Variants in AKIRIN1 observed in about 807,000 individuals in gnomAD.
AKIRIN1 encodes the protein akirin-1.
AKIRIN1 carries 4 observed loss-of-function variants against 25.9 expected under a neutral mutation model. The observed-to-expected ratio is 0.15, with a 90% CI of 0.08 to 0.35. AKIRIN1 has a LOEUF of 0.35. AKIRIN1 is among the 10% of genes least tolerant of loss of function. AKIRIN1 has a pLI of 1.00. For synonymous variants in AKIRIN1, 125 were observed against 105.1 expected (o/e 1.19, Z -1.16); for missense variants, 243 against 266.1 (o/e 0.91, Z 0.61).
chr1:39,000,383 G>A (rs1265450353), intron 2 of AKIRIN1, among the ~76,000 whole-genome samples: 2 of 93,284 alleles, frequency 2.1e-5, no homozygotes, highest in Non-Finnish European at 4.2e-5. Context: ...TGCTCTTGTT[G>A]CCCCGTTTGG....
At chr1:39,000,251 A>G (rs1263259242) in intron 2 of AKIRIN1, among the ~76,000 whole-genome samples, 2 of 152,044 alleles carry the variant, frequency 1.3e-5, no homozygotes, top group East Asian at 1.9e-4. Flanking sequence ...CTCCAGAACC[A>G]GGCTGGTAGA....
Position 38,997,244 on chromosome 1 carries a change from G to A in AKIRIN1, c.221-927G>A, listed in dbSNP as rs539225914. Among the ~76,000 whole-genome samples, 6 of 152,182 alleles carry A rather than the reference G, an allele frequency of 3.9e-5. No individual in the cohort carries two copies. The East Asian group carries it at 9.7e-4, about 25-fold the overall frequency. On this transcript the variant is annotated intron_variant, in intron 1 of 4. Coordinates refer to ENST00000432648, the MANE Select transcript of AKIRIN1 (RefSeq NM_024595.3). ...AAAACCACATCCTTTTAGATTCTTT[G>A]TTGTTTCTAGGAGTGTATTTCAAGG...
intron 3 of AKIRIN1, among the ~76,000 whole-genome samples, chr1:39,003,022 G>C (rs776294432): frequency 6.6e-5 from 10 of 152,210 alleles, no homozygotes; most frequent in Non-Finnish European, 1.5e-4. Flanking sequence ...CATGTCCCAT[G>C]GGAGATGGGC....
rs1440733131 is a variant in AKIRIN1 at position 39,000,955 on chromosome 1, C to CT, written c.362-12dup. ...AACCACCGCACCTGGCCCAAACTCA[C>CT]TTTTTCTTTTGGCCAGGTTCCTCAT... On this transcript the variant is annotated splice_polypyrimidine_tract_variant and intron_variant, in intron 2 of 4. Coordinates refer to ENST00000432648, the MANE Select transcript of AKIRIN1 (RefSeq NM_024595.3). 1.2e-6 allele frequency: 2 copies of CT among 1,602,880 alleles called. No homozygotes were observed. Among genetic ancestry groups the CT allele is most frequent in the African/African-American group, 2.7e-5 (2 of 74,340 alleles).
At chr1:38,995,180 C>A (rs538618248) in intron 1 of AKIRIN1, among the ~76,000 whole-genome samples, 33 of 152,112 alleles carry the variant, frequency 2.2e-4, no homozygotes, top group Admixed American at 5.9e-4. Context: ...ACAGGGAAAC[C>A]ATGAGAGCAA....
At chr1:39,000,853 TC>T in intron 2 of AKIRIN1, 118 bp from the exon 3 acceptor site, 1 of 1,149,616 alleles carries the variant, frequency 8.7e-7, no homozygotes, top group Non-Finnish European at 1.2e-6. Flanking sequence ...ACTGGGTTTC[TC>T]CACGTTGTCA....
chr1:38,991,663 T>TGG, intron 1 of AKIRIN1, 63 bp downstream of exon 1: 9 of 70,104 alleles, frequency 1.3e-4, no homozygotes, highest in Non-Finnish European at 1.9e-4. Context: ...GGGGGGGTGG[T>TGG]GGGGGAGGGT....
chr1:38,992,479 T>C (rs970165963), intron 1 of AKIRIN1, among the ~76,000 whole-genome samples: 2 of 152,164 alleles, frequency 1.3e-5, no homozygotes, highest in Non-Finnish European at 1.5e-5. Flanking sequence ...TGTTTTTCTA[T>C]TCCTCAAGCT....
chr1:38,997,169 G>A (rs1643954101), intron 1 of AKIRIN1, among the ~76,000 whole-genome samples: 1 of 151,778 alleles, frequency 6.6e-6, no homozygotes, highest in African/African-American at 2.4e-5. Context: ...TGTTTGAGAT[G>A]GATACAGGTA....
At position 39,001,070 on chromosome 1, in the gene AKIRIN1, G is replaced by A. The variant is rs1315318370; in HGVS notation, c.460G>A (p.Glu154Lys). 1 of 1,613,788 alleles carries A rather than the reference G, an allele frequency of 6.2e-7. No homozygotes were observed. The highest frequency in any genetic ancestry group is 8.5e-7 in the Non-Finnish European group (1 of 1,179,890). ...AAAAGACTATGAAGATAAAATTCGGGAGGAGTATGAGCAAATCCTCAATAC... is the reference window on the plus strand; with the variant it reads ...AAAAGACTATGAAGATAAAATTCGGAAGGAGTATGAGCAAATCCTCAATAC... ...LLKDYEDKIREEYEQILNTKL... is the reference protein window; with the variant it reads ...LLKDYEDKIRKEYEQILNTKL... The change falls in exon 3 of 5, where the codon GAG becomes AAG. Residue 154 changes from glutamate to lysine, a missense_variant. Glu to Lys is a moderately conservative substitution (Grantham distance 56, BLOSUM62 1). This residue lies in a region of AKIRIN1 where 190 missense variants were observed against 174.4 expected (regional missense o/e 1.09). Transcript: ENST00000432648.
Position 39,004,590 on chromosome 1 carries a change from T to G in AKIRIN1, c.*535T>G, listed in dbSNP as rs1185208705. 4.5e-5 allele frequency: 9 copies of G among 200,954 alleles called. No homozygotes were observed. The highest frequency in any genetic ancestry group is 9.2e-5 in the Non-Finnish European group (9 of 97,720). The allele number at this position is 200,954 out of a possible 1,614,324, so 12.4% of individuals were successfully genotyped here. Reference sequence around the variant, plus strand: ...ACAGTGGATTGTTTTTATGTGTAGGTATTGTTAAATACAGGGACTGTTTCC... The same window carrying G: ...ACAGTGGATTGTTTTTATGTGTAGGGATTGTTAAATACAGGGACTGTTTCC... On this transcript the variant is annotated 3_prime_UTR_variant, in exon 5 of 5. Transcript: ENST00000432648.
rs11547140 is a variant in AKIRIN1, at chr1:39,004,209, C to G, written c.*154C>G. 3.6e-6 allele frequency: 3 copies of G among 839,834 alleles called. No homozygotes were observed. Among genetic ancestry groups the G allele is most frequent in the Non-Finnish European group, 6.1e-6 (3 of 489,894 alleles). 52.0% of individuals were successfully genotyped at this position (839,834 alleles called of 1,614,324 possible). ...GTCCATTTTATACAACTTGAAAGAC[C>G]GTAAAACTTTCTGGTTGCCACAAGC... is the stretch of plus-strand genomic sequence containing the variant. On this transcript the variant is annotated 3_prime_UTR_variant, in exon 5 of 5. Coordinates refer to ENST00000432648, the MANE Select transcript of AKIRIN1 (RefSeq NM_024595.3).
intron 3 of AKIRIN1, 103 bp from the exon 4 acceptor site, chr1:39,003,244 A>G (rs112472327): frequency 1.3e-5 from 14 of 1,046,828 alleles, no homozygotes; most frequent in African/African-American, 7.9e-5. Context: ...AGGGCCTGAG[A>G]GGGTGAAGAA....
intron 2 of AKIRIN1, among the ~76,000 whole-genome samples, chr1:38,999,889 T>G (rs1168805287): frequency 6.6e-6 from 1 of 151,872 alleles, no homozygotes; most frequent in Non-Finnish European, 1.5e-5. Context: ...TTGTTTTTTG[T>G]TTTTTTGGGT....
At chr1:39,002,898 C>T (rs1475250289) in intron 3 of AKIRIN1, among the ~76,000 whole-genome samples, 18 of 152,160 alleles carry the variant, frequency 1.2e-4, no homozygotes, top group Admixed American at 1.1e-3. Context: ...GAACTGTTTG[C>T]AGTTAGATGG....
chr1:39,000,842 G>T (rs1570975749), intron 2 of AKIRIN1, 130 bp from the exon 3 acceptor site: 1 of 1,031,014 alleles, frequency 9.7e-7, no homozygotes, highest in African/African-American at 1.6e-5. Flanking sequence ...TTTTAGTAGA[G>T]ACTGGGTTTC....
At chr1:38,995,221 ATAATG>A (rs1485937756) in intron 1 of AKIRIN1, among the ~76,000 whole-genome samples, 1 of 152,194 alleles carries the variant, frequency 6.6e-6, no homozygotes, top group African/African-American at 2.4e-5. Context: ...TAAGGAGAGA[ATAATG>A]TAATGTAACT....
chr1:38,991,463 GC>G lies in AKIRIN1; in HGVS notation c.84del (p.Cys28TrpfsTer53). ...LSPGSPKRRR[C>X]APLPGPTPGL... ...CCCGGCTCCCCGAAGCGGCGGCGCT[GC>G]GCCCCTCTGCCCGGCCCCACTCCGG... On this transcript the variant is annotated frameshift_variant, in exon 1 of 5. Transcript: ENST00000432648. LOFTEE classifies it high-confidence loss of function. 3 of 1,390,228 alleles carry G rather than the reference GC, an allele frequency of 2.2e-6. No homozygotes were observed. Among genetic ancestry groups the G allele is most frequent in the Non-Finnish European group, 2.8e-6 (3 of 1,078,358 alleles). The allele number at this position is 1,390,228 out of a possible 1,614,324, so 86.1% of individuals were successfully genotyped here.
At chr1:38,998,798 C>G (rs140456748) in intron 2 of AKIRIN1, among the ~76,000 whole-genome samples, 3 of 151,228 alleles carry the variant, frequency 2.0e-5, no homozygotes, top group African/African-American at 7.3e-5. Flanking sequence ...CCCAGCTACT[C>G]GGGAGGCTGA....
Sources: allele counts gnomAD v4.1 joint callset (sites outside exome capture counted in the v4.1 genomes callset), GRCh38; gene constraint gnomAD v4.1.1; regional missense constraint gnomAD v4.1.1; transcripts MANE v1.5; gene names NCBI Gene and HGNC (gene_info 2026-07-23, HGNC 2026-07-21).